The following MAP4 variants were observed in gnomAD, a reference collection of about 807,000 sequenced individuals.
The protein encoded by MAP4 is microtubule associated protein 4, also known as microtubule-associated protein 4.
In MAP4, 76 loss-of-function variants were observed where a neutral mutation model predicts 170.2. That is an observed-to-expected ratio of 0.45 (90% confidence interval 0.37 to 0.54). The LOEUF (loss-of-function observed/expected upper bound fraction) is 0.54, where lower values mean the gene tolerates loss of function less well. Among genes scored for constraint, MAP4 ranks in the 20% least tolerant of loss-of-function variants. The pLI, the probability that MAP4 is intolerant of heterozygous loss-of-function variation, is 0.00. For missense variants in MAP4, 2,506 were observed against 2,748.0 expected, an observed-to-expected ratio of 0.91 and a Z score of 1.97; for synonymous variants, 909 against 994.5, an observed-to-expected ratio of 0.91 and a Z score of 1.62.
At chr3:47,880,040 G>A (rs2096401108) in intron 10 of MAP4, among the ~76,000 whole-genome samples, 1 of 152,042 alleles carries the variant, frequency 6.6e-6, no homozygotes, top group African/African-American at 2.4e-5. Context: ...TAACATGAAT[G>A]GCTATTTGAT....
chr3:47,917,974 G>A (rs1372910430), intron 6 of MAP4, among the ~76,000 whole-genome samples: 1 of 151,986 alleles, frequency 6.6e-6, no homozygotes, highest in Non-Finnish European at 1.5e-5. Context: ...GGGATTATAG[G>A]TACACGCCAC....
intron 10 of MAP4, among the ~76,000 whole-genome samples, chr3:47,893,253 A>T (rs1426450212): frequency 6.6e-6 from 1 of 152,150 alleles, no homozygotes; most frequent in Non-Finnish European, 1.5e-5. Flanking sequence ...TTGGGGATAG[A>T]TATTCTAATT....
intron 2 of MAP4, among the ~76,000 whole-genome samples, chr3:47,992,385 A>G (rs1269031868): frequency 1.3e-5 from 2 of 152,188 alleles, no homozygotes; most frequent in East Asian, 3.8e-4. Context: ...TGGTATGGAA[A>G]AAATGTAGTA....
intron 2 of MAP4, among the ~76,000 whole-genome samples, chr3:47,995,275 G>C (rs1578992583): frequency 7.6e-6 from 1 of 131,182 alleles, no homozygotes; most frequent in East Asian, 2.2e-4. Context: ...TTTTGAGACA[G>C]AGTCTCGTTC....
upstream of MAP4, among the ~76,000 whole-genome samples, chr3:48,021,339 TTTTG>T (rs1261004571): frequency 2.0e-5 from 3 of 151,880 alleles, no homozygotes; most frequent in Non-Finnish European, 1.5e-5. Context: ...AATCTATAGT[TTTTG>T]TTTGTTTTTG....
intron 2 of MAP4, among the ~76,000 whole-genome samples, chr3:47,979,257 A>G (rs2100084038): frequency 7.1e-6 from 1 of 140,382 alleles, no homozygotes; most frequent in African/African-American, 2.7e-5. Context: ...TTACCTAATC[A>G]CCTAATAATT....
rs1553728649 is a variant in MAP4, at chr3:47,863,921, G to GGTGTGGGTGTGTGTGTGTGT, written c.6501+3324_6501+3325insACACACACACACACCCACAC. On this transcript the variant is annotated intron_variant, in intron 17 of 20. Transcript: ENST00000683076. ...TTCTGTGTGTGTGTGTGTGGGTGTG[G>GGTGTGGGTGTGTGTGTGTGT]GTGTGTGTGTGTGTGTGGGGAGTGG... is the stretch of plus-strand genomic sequence containing the variant. Among the ~76,000 whole-genome samples the GGTGTGGGTGTGTGTGTGTGT allele has an allele frequency of 4.5e-5, 5 of 110,882 alleles. No homozygotes were observed. In the East Asian group the frequency reaches 6.5e-4, roughly 15 times the overall value. The allele number at this position is 110,882 out of a possible 152,430, so 72.7% of individuals were successfully genotyped here. A position where few individuals can be genotyped will look rare whatever the true frequency, so the allele number is the denominator to read the frequency against.
In MAP4 at chr3:48,056,964, G is replaced by A. The variant is rs1210923859; in HGVS notation, c.-20+31809C>T. On this transcript the variant is annotated intron_variant, in intron 1 of 18. Coordinates refer to the MAP4 transcript ENST00000360240. ...GGTTCAGCCCCCCGCCCGGCCAGCCGCCCCGTCCGGGAGGGAGGTGGGGGG... is the reference window on the plus strand; with the variant it reads ...GGTTCAGCCCCCCGCCCGGCCAGCCACCCCGTCCGGGAGGGAGGTGGGGGG... Among the ~76,000 whole-genome samples the A allele has an allele frequency of 4.1e-5, 5 of 121,992 alleles. No individual in the cohort carries two copies. The South Asian group carries it at 8.6e-4, about 21-fold the overall frequency. 80.0% of individuals were successfully genotyped at this position (121,992 alleles called of 152,430 possible).
At chr3:47,941,391 A>G (rs1384446002) in intron 3 of MAP4, among the ~76,000 whole-genome samples, 1 of 152,092 alleles carries the variant, frequency 6.6e-6, no homozygotes, top group Non-Finnish European at 1.5e-5. Flanking sequence ...CATATACTGC[A>G]ACCCAAACAA....
chr3:47,854,681 G>T (rs561301087), intron 19 of MAP4, among the ~76,000 whole-genome samples: 1 of 152,262 alleles, frequency 6.6e-6, no homozygotes, highest in East Asian at 1.9e-4. Context: ...CCAGCCAGTC[G>T]TGAGGATGGG....
intron 10 of MAP4, among the ~76,000 whole-genome samples, chr3:47,889,913 C>T (rs965982609): frequency 6.8e-6 from 1 of 148,046 alleles, no homozygotes; most frequent in South Asian, 2.2e-4. Flanking sequence ...CCATAAAAAA[C>T]AAAAAATGTT....
At chr3:47,879,222 C>T (rs367870674) in intron 10 of MAP4, among the ~76,000 whole-genome samples, 2 of 150,072 alleles carry the variant, frequency 1.3e-5, no homozygotes, top group African/African-American at 4.9e-5. Flanking sequence ...GATTACTATG[C>T]AATGGTCTCT....
At chr3:48,081,423 T>TA (rs1356914992) in intron 1 of MAP4, among the ~76,000 whole-genome samples, 1 of 152,128 alleles carries the variant, frequency 6.6e-6, no homozygotes, top group African/African-American at 2.4e-5. Context: ...AACAGTAATT[T>TA]AAAATACCAA....
chr3:48,049,915 G>A (rs2100126711), intron 1 of MAP4, among the ~76,000 whole-genome samples: 1 of 150,968 alleles, frequency 6.6e-6, no homozygotes, highest in African/African-American at 2.4e-5. Flanking sequence ...TCCAGCTTGG[G>A]CAACAGAGTG....
intron 3 of MAP4, among the ~76,000 whole-genome samples, chr3:47,951,242 C>T (rs888970445): frequency 6.6e-6 from 1 of 152,162 alleles, no homozygotes; most frequent in Non-Finnish European, 1.5e-5. Flanking sequence ...AAATGCAATG[C>T]TACCTTCATT....
intron 1 of MAP4, among the ~76,000 whole-genome samples, chr3:48,025,888 G>A (rs759059043): frequency 1.6e-5 from 2 of 126,820 alleles, no homozygotes; most frequent in Admixed American, 8.3e-5. Context: ...CTACAAGTGC[G>A]AAACTCTGCC....
Position 47,892,318 on chromosome 3 carries a change from G to A in MAP4, c.5434+10632C>T, listed in dbSNP as rs1466179229. Reference sequence around the variant, plus strand: ...TCACAAGCCCATCTTTTGGTTGCCCGTCCATGCTGACATTCAGCCCAATTT... The same window carrying A: ...TCACAAGCCCATCTTTTGGTTGCCCATCCATGCTGACATTCAGCCCAATTT... On this transcript the variant is annotated intron_variant, in intron 10 of 20. Transcript: ENST00000683076. The A allele has an allele frequency of 5.9e-6, 9 of 1,536,102 alleles. No individual in the cohort carries two copies. In the Admixed American group the frequency reaches 5.9e-5, roughly 10 times the overall value.
chr3:48,054,296 CAAAAAACAA>C (rs988451401), intron 1 of MAP4, among the ~76,000 whole-genome samples: 3 of 146,472 alleles, frequency 2.0e-5, no homozygotes, highest in Non-Finnish European at 4.5e-5. Context: ...GACTCTACCT[CAAAAAACAA>C]AAAAAACAAA....
In MAP4 at chr3:47,853,128, C is replaced by T. The variant is rs113014719; in HGVS notation, c.6886+35G>A. ...TCAATTTGCGGCCAGTGGCAGGGCCCCTGGCTGGCCCTTAGGCCGAGCCCA... is the reference window on the plus strand; with the variant it reads ...TCAATTTGCGGCCAGTGGCAGGGCCTCTGGCTGGCCCTTAGGCCGAGCCCA... On this transcript the variant is annotated intron_variant, in intron 20 of 20. Transcript: ENST00000683076. 5 of 1,611,410 alleles carry T rather than the reference C, an allele frequency of 3.1e-6. No homozygotes were observed. In the African/African-American group the frequency reaches 5.3e-5, roughly 17 times the overall value.
Sources: allele counts gnomAD v4.1 joint callset (sites outside exome capture counted in the v4.1 genomes callset), GRCh38; gene constraint gnomAD v4.1.1; transcripts MANE v1.5; gene names NCBI Gene and HGNC (gene_info 2026-07-23, HGNC 2026-07-21).